Variants in SIPA1L2 observed in about 807,000 individuals in gnomAD.
SIPA1L2 encodes signal induced proliferation associated 1 like 2, also known as signal-induced proliferation-associated 1-like protein 2.
A neutral mutation model predicts 163.9 loss-of-function variants in SIPA1L2; 56 were observed. That is an observed-to-expected ratio of 0.34 (90% CI 0.28 to 0.43). The LOEUF is 0.43. Among genes scored for constraint, SIPA1L2 ranks in the 20% least tolerant of loss-of-function variants. The pLI, the probability that SIPA1L2 is intolerant of heterozygous loss-of-function variation, is 1.00. For synonymous variants in SIPA1L2, 877 were observed against 865.7 expected (o/e 1.01, Z -0.23); for missense variants, 1,974 against 2,193.5 (o/e 0.90, Z 2.00).
At chr1:232,517,643 C>T (rs1229747245) in intron 2 of SIPA1L2, among the ~76,000 whole-genome samples, 1 of 152,230 alleles carries the variant, frequency 6.6e-6, no homozygotes, top group Non-Finnish European at 1.5e-5. Context: ...TCACATTCCT[C>T]TAACATTTGT....
chr1:232,434,436 G>A (rs1363850262), intron 15 of SIPA1L2, among the ~76,000 whole-genome samples: 1 of 152,108 alleles, frequency 6.6e-6, no homozygotes, highest in Non-Finnish European at 1.5e-5. Flanking sequence ...GTGCCCTTGA[G>A]TATGACTGAT....
At position 232,612,962 on chromosome 1, in the gene SIPA1L2, T is replaced by C. The variant is rs532472186; in HGVS notation, c.-319+16907A>G. On this transcript the variant is annotated intron_variant, in intron 1 of 22. Transcript: ENST00000674635. ...GAGGGAGGGACCTGGTGGAAGATAG[T>C]TTGAATCATGGGGGCAGTTTCCCCC... 8.4e-4 allele frequency among the ~76,000 whole-genome samples: 128 copies of C among 152,238 alleles called. 1 individual carries two copies. Among genetic ancestry groups the C allele is most frequent in the Non-Finnish European group, 2.6e-4 (18 of 68,010 alleles).
At chr1:232,620,400 T>C (rs1350659660) in intron 1 of SIPA1L2, among the ~76,000 whole-genome samples, 2 of 152,272 alleles carry the variant, frequency 1.3e-5, no homozygotes, top group Non-Finnish European at 2.9e-5. Context: ...GAAGTACAGA[T>C]GTGCTAAGCC....
rs560967384 is a variant in SIPA1L2 at position 232,400,390 on chromosome 1, G to C, written c.5023-1117C>G. 6.6e-5 allele frequency among the ~76,000 whole-genome samples: 10 copies of C among 152,248 alleles called. No individual in the cohort carries two copies. In the East Asian group the frequency reaches 1.5e-3, roughly 24 times the overall value. On this transcript the variant is annotated intron_variant, in intron 22 of 22. Transcript: ENST00000674635. ...CCATGAACTTGGATTCTGCCAAGAAGACCTTGTGCACGCTCAGTCTCTCCT... is the reference window on the plus strand; with the variant it reads ...CCATGAACTTGGATTCTGCCAAGAACACCTTGTGCACGCTCAGTCTCTCCT...
intron 2 of SIPA1L2, among the ~76,000 whole-genome samples, chr1:232,535,698 CA>C (rs752886625): frequency 2.6e-5 from 4 of 152,174 alleles, no homozygotes; most frequent in Non-Finnish European, 4.4e-5. Context: ...GAATGCCAGA[CA>C]TTCAGTTCAC....
At chr1:232,436,597 G>C (rs936314278) in intron 15 of SIPA1L2, among the ~76,000 whole-genome samples, 2 of 152,206 alleles carry the variant, frequency 1.3e-5, no homozygotes, top group African/African-American at 2.4e-5. Context: ...GAGGAAAGCA[G>C]GGGGGCTAAG....
In SIPA1L2 at chr1:232,515,622, T is replaced by C. The variant is rs2103048159; in HGVS notation, c.-269-14A>G. The C allele has an allele frequency of 5.5e-6, 2 of 362,366 alleles. No individual in the cohort carries two copies. Among genetic ancestry groups the C allele is most frequent in the Non-Finnish European group, 5.0e-6 (1 of 201,554 alleles). 22.4% of individuals were successfully genotyped at this position (362,366 alleles called of 1,614,324 possible). A position where few individuals can be genotyped will look rare whatever the true frequency, so the allele number is the denominator to read the frequency against. ...TATTTCCTTCACCTGAATTAAGAGA[T>C]AGGAAGTAGCCATTAGCAATTAATA... On this transcript the variant is annotated splice_polypyrimidine_tract_variant and intron_variant, in intron 2 of 22. Transcript: ENST00000674635.
chr1:232,540,760 T>C (rs1459317919), intron 2 of SIPA1L2, among the ~76,000 whole-genome samples: 1 of 152,116 alleles, frequency 6.6e-6, no homozygotes. Flanking sequence ...ACGGATCTAG[T>C]TGGTGAAATA....
At chr1:232,585,612 T>C (rs930741705) in intron 1 of SIPA1L2, among the ~76,000 whole-genome samples, 18 of 152,168 alleles carry the variant, frequency 1.2e-4, no homozygotes, top group Non-Finnish European at 5.9e-5. Context: ...GGAAGCTCTG[T>C]GCACATGTAA....
intron 16 of SIPA1L2, among the ~76,000 whole-genome samples, chr1:232,430,331 G>A (rs985245526): frequency 6.6e-6 from 1 of 152,222 alleles, no homozygotes; most frequent in Non-Finnish European, 1.5e-5. Flanking sequence ...ATGAATGGGT[G>A]CACAGAAGCC....
intron 5 of SIPA1L2, among the ~76,000 whole-genome samples, chr1:232,486,462 G>T (rs1048638582): frequency 4.6e-5 from 7 of 152,148 alleles, no homozygotes; most frequent in African/African-American, 1.7e-4. Context: ...GGGCCCATGG[G>T]AATCAGTGGA....
At chr1:232,607,648 C>T (rs57391343) in intron 1 of SIPA1L2, among the ~76,000 whole-genome samples, 6,504 of 151,990 alleles carry the variant, frequency 0.043, 348 homozygotes, top group African/African-American at 0.11. Flanking sequence ...TTAATCTTTC[C>T]GCCAGTGCCA....
At chr1:232,536,474 C>G (rs751484139) in intron 2 of SIPA1L2, among the ~76,000 whole-genome samples, 1 of 152,192 alleles carries the variant, frequency 6.6e-6, no homozygotes, top group Non-Finnish European at 1.5e-5. Context: ...TTATGAGGAA[C>G]TACTTTCTTC....
chr1:232,492,375 G>A (rs550893587), intron 4 of SIPA1L2, among the ~76,000 whole-genome samples: 17 of 151,958 alleles, frequency 1.1e-4, no homozygotes, highest in South Asian at 2.1e-4. Context: ...TTGCTATATT[G>A]CCCAGGCTGG....
At chr1:232,534,614 G>T (rs1657194151) in intron 2 of SIPA1L2, among the ~76,000 whole-genome samples, 1 of 152,208 alleles carries the variant, frequency 6.6e-6, no homozygotes, top group South Asian at 2.1e-4. Context: ...GCAGCCCATG[G>T]AATGGGAGAA....
intron 2 of SIPA1L2, among the ~76,000 whole-genome samples, chr1:232,521,148 A>G (rs1332546163): frequency 6.6e-6 from 1 of 152,248 alleles, no homozygotes; most frequent in East Asian, 1.9e-4. Flanking sequence ...ACATGAGAAC[A>G]TAAAAACCAG....
At chr1:232,526,883 C>T (rs1168331994) in intron 2 of SIPA1L2, among the ~76,000 whole-genome samples, 1 of 152,144 alleles carries the variant, frequency 6.6e-6, no homozygotes, top group Non-Finnish European at 1.5e-5. Flanking sequence ...CTCTTCCCTC[C>T]CAGACTGAAG....
intron 2 of SIPA1L2, among the ~76,000 whole-genome samples, chr1:232,556,564 C>T (rs1658715702): frequency 6.6e-6 from 1 of 152,068 alleles, no homozygotes; most frequent in Non-Finnish European, 1.5e-5. Flanking sequence ...TATGGAGAAA[C>T]CAGACAGATA....
intron 3 of SIPA1L2, among the ~76,000 whole-genome samples, chr1:232,508,765 C>T (rs920249034): frequency 3.3e-5 from 5 of 152,214 alleles, no homozygotes; most frequent in African/African-American, 1.2e-4. Flanking sequence ...ATTGGGCATT[C>T]ACTCTACTTG....
Sources: allele counts gnomAD v4.1 joint callset (sites outside exome capture counted in the v4.1 genomes callset), GRCh38; gene constraint gnomAD v4.1.1; transcripts MANE v1.5; gene names NCBI Gene and HGNC (gene_info 2026-07-23, HGNC 2026-07-21).